PTPRG: variants seen among roughly 807,000 people sequenced by gnomAD.
The protein encoded by PTPRG is protein tyrosine phosphatase receptor type G, also known as receptor-type tyrosine-protein phosphatase gamma.
PTPRG carries 102 observed loss-of-function variants against 165.3 expected under a neutral mutation model. That is an observed-to-expected ratio of 0.62 (90% CI 0.53 to 0.73). PTPRG has a LOEUF of 0.73. Ranked by LOEUF, PTPRG falls within the 30% of genes least tolerant of loss-of-function variation. The pLI is 0.00. For missense variants in PTPRG, 1,866 were observed against 1,861.4 expected (o/e 1.00, Z -0.05); for synonymous variants, 675 against 669.5 (o/e 1.01, Z -0.13).
At chr3:61,691,982 A>G (rs923915596) in intron 1 of PTPRG, among the ~76,000 whole-genome samples, 12 of 152,230 alleles carry the variant, frequency 7.9e-5, no homozygotes, top group Non-Finnish European at 2.9e-5. Flanking sequence ...TGCAGAGAGT[A>G]TATAAGGCAA....
chr3:61,880,521 C>A (rs538479026), intron 2 of PTPRG, among the ~76,000 whole-genome samples: 1 of 149,320 alleles, frequency 6.7e-6, no homozygotes, highest in Admixed American at 6.7e-5. Context: ...TTGTTGGGGG[C>A]GCTGAGGAAG....
intron 1 of PTPRG, among the ~76,000 whole-genome samples, chr3:61,578,720 T>A (rs1257214962): frequency 6.6e-6 from 1 of 152,216 alleles, no homozygotes; most frequent in Non-Finnish European, 1.5e-5. Flanking sequence ...TTGGATCCCA[T>A]TGAGTCCATG....
chr3:62,008,144 G>T (rs2041339959), intron 4 of PTPRG, among the ~76,000 whole-genome samples: 1 of 152,082 alleles, frequency 6.6e-6, no homozygotes, highest in South Asian at 2.1e-4. Context: ...TTCTGTGGTT[G>T]GTAACTTAAA....
intron 3 of PTPRG, among the ~76,000 whole-genome samples, chr3:61,995,023 C>T (rs2107704549): frequency 6.6e-6 from 1 of 151,734 alleles, no homozygotes; most frequent in East Asian, 1.9e-4. Context: ...ACCAGGCTAC[C>T]ACTTTAGATG....
At chr3:61,914,685 C>G (rs1051272799) in intron 2 of PTPRG, among the ~76,000 whole-genome samples, 1 of 152,108 alleles carries the variant, frequency 6.6e-6, no homozygotes, top group African/African-American at 2.4e-5. Context: ...TTCTTCCTAG[C>G]TTATTTCCAA....
At chr3:62,002,087 A>G (rs1324404912) in intron 3 of PTPRG, among the ~76,000 whole-genome samples, 1 of 152,172 alleles carries the variant, frequency 6.6e-6, no homozygotes, top group Non-Finnish European at 1.5e-5. Context: ...TTTTTTCAGA[A>G]GTTGGAGAAA....
chr3:61,927,141 G>T (rs1006838693), intron 2 of PTPRG, among the ~76,000 whole-genome samples: 5 of 152,102 alleles, frequency 3.3e-5, no homozygotes, highest in African/African-American at 1.2e-4. Context: ...TTCTATTTTT[G>T]TTCTGTTCAT....
chr3:61,578,193 T>G (rs901926193), intron 1 of PTPRG, among the ~76,000 whole-genome samples: 7 of 152,204 alleles, frequency 4.6e-5, no homozygotes, highest in African/African-American at 1.7e-4. Flanking sequence ...CCCTGCTACC[T>G]AGAAAATCCA....
intron 2 of PTPRG, among the ~76,000 whole-genome samples, chr3:61,910,680 C>T (rs1396213496): frequency 2.6e-5 from 4 of 152,142 alleles, no homozygotes; most frequent in Non-Finnish European, 5.9e-5. Flanking sequence ...CGAGGCTCCT[C>T]CTAGAATTTC....
chr3:62,234,358 A>T (rs928971176), intron 14 of PTPRG, among the ~76,000 whole-genome samples: 4 of 152,194 alleles, frequency 2.6e-5, no homozygotes, highest in Non-Finnish European at 5.9e-5. Flanking sequence ...AGGAAAATTT[A>T]TTGGCTGTAT....
intron 2 of PTPRG, among the ~76,000 whole-genome samples, chr3:61,958,644 C>T (rs1315386680): frequency 6.6e-6 from 1 of 152,108 alleles, no homozygotes; most frequent in Non-Finnish European, 1.5e-5. Flanking sequence ...TACATAAGTT[C>T]TCTTTATGAT....
At chr3:61,651,654 C>T (rs189632208) in intron 1 of PTPRG, among the ~76,000 whole-genome samples, 6 of 152,340 alleles carry the variant, frequency 3.9e-5, no homozygotes, top group African/African-American at 1.4e-4. Flanking sequence ...GTGAATACTG[C>T]ACCTCTGGTG....
At chr3:61,978,195 G>C (rs1388620588) in intron 2 of PTPRG, among the ~76,000 whole-genome samples, 3 of 152,178 alleles carry the variant, frequency 2.0e-5, no homozygotes, top group Non-Finnish European at 4.4e-5. Flanking sequence ...TTGCGTACTA[G>C]AGAACTTTTA....
chr3:61,670,830 A>C (rs1702956852), intron 1 of PTPRG, among the ~76,000 whole-genome samples: 1 of 152,230 alleles, frequency 6.6e-6, no homozygotes, highest in African/African-American at 2.4e-5. Context: ...AGAATCGCAG[A>C]AAAGAGACCT....
intron 1 of PTPRG, among the ~76,000 whole-genome samples, chr3:61,659,690 G>A (rs1702605381): frequency 6.6e-6 from 1 of 152,166 alleles, no homozygotes; most frequent in Admixed American, 6.5e-5. Flanking sequence ...ACTGTATGGA[G>A]AAGGATTCTG....
intron 5 of PTPRG, among the ~76,000 whole-genome samples, chr3:62,084,095 T>A (rs1701667768): frequency 6.6e-6 from 1 of 152,232 alleles, no homozygotes; most frequent in East Asian, 1.9e-4. Context: ...GTTTCTTATG[T>A]GACATTGTTT....
At chr3:61,652,212 G>A (rs1702372916) in intron 1 of PTPRG, among the ~76,000 whole-genome samples, 1 of 152,072 alleles carries the variant, frequency 6.6e-6, no homozygotes, top group South Asian at 2.1e-4. Context: ...AGAGGCTGAG[G>A]CAGAGAATTG....
intron 1 of PTPRG, among the ~76,000 whole-genome samples, chr3:61,748,009 C>T (rs891372316): frequency 7.9e-5 from 12 of 152,158 alleles, no homozygotes; most frequent in Non-Finnish European, 1.5e-4. Context: ...GGGCTTTGAA[C>T]GCTATAGCAG....
intron 3 of PTPRG, among the ~76,000 whole-genome samples, chr3:62,001,390 T>C (rs2041169127): frequency 6.6e-6 from 1 of 152,222 alleles, no homozygotes; most frequent in African/African-American, 2.4e-5. Flanking sequence ...AAGATGCTGC[T>C]GATTCCCTGG....
Sources: allele counts gnomAD v4.1 joint callset (sites outside exome capture counted in the v4.1 genomes callset), GRCh38; gene constraint gnomAD v4.1.1; transcripts MANE v1.5; gene names NCBI Gene and HGNC (gene_info 2026-07-23, HGNC 2026-07-21).